Variants in CCDC30 observed in about 807,000 individuals in gnomAD.
The protein encoded by CCDC30 is coiled-coil domain containing 30.
A neutral mutation model predicts 100.2 loss-of-function variants in CCDC30; 70 were observed. That is an observed-to-expected ratio of 0.70 (90% confidence interval 0.58 to 0.85). The LOEUF (loss-of-function observed/expected upper bound fraction) is 0.85, where lower values mean the gene tolerates loss of function less well. Among genes scored for constraint, CCDC30 ranks in the 40% least tolerant of loss-of-function variants. The pLI is 0.00. For synonymous variants in CCDC30, 233 were observed against 269.5 expected (o/e 0.86, Z 1.33); for missense variants, 652 against 771.2 (o/e 0.85, Z 1.83).
rs1646301443 is a variant in CCDC30, at chr1:42,596,970, T to G, written c.1164+7487T>G. Among the ~76,000 whole-genome samples, 1 of 151,970 alleles carries G rather than the reference T, an allele frequency of 6.6e-6. No homozygotes were observed. Among genetic ancestry groups the G allele is most frequent in the East Asian group, 1.9e-4 (1 of 5,164 alleles). On this transcript the variant is annotated intron_variant, in intron 10 of 16. Transcript: ENST00000668663. The surrounding 1 kb of genome is among the most constrained non-coding windows in gnomAD (Gnocchi z 4.3). ...ACCACATAGAAATTCCGTTACAGTGTTTTTGATTTTTAAGTAAAGATCAAA... is the reference window on the plus strand; with the variant it reads ...ACCACATAGAAATTCCGTTACAGTGGTTTTGATTTTTAAGTAAAGATCAAA...
intron 6 of CCDC30, among the ~76,000 whole-genome samples, chr1:42,547,482 G>A (rs1456300376): frequency 6.6e-6 from 1 of 152,176 alleles, no homozygotes; most frequent in Non-Finnish European, 1.5e-5. Flanking sequence ...GTCCACCCAG[G>A]TGATTTTGGG....
intron 9 of CCDC30, among the ~76,000 whole-genome samples, chr1:42,583,081 T>G (rs570805690): frequency 6.6e-6 from 1 of 152,340 alleles, no homozygotes; most frequent in South Asian, 2.1e-4. Context: ...TTTTTTTTCT[T>G]TGTAAATTGG....
chr1:42,505,891 A>G (rs1441507148), intron 6 of CCDC30, among the ~76,000 whole-genome samples: 1 of 152,266 alleles, frequency 6.6e-6, no homozygotes, highest in Non-Finnish European at 1.5e-5. Flanking sequence ...CTTCAAGTCA[A>G]GCTTGATTCC....
At chr1:42,604,688 C>T (rs1646469932) in intron 10 of CCDC30, among the ~76,000 whole-genome samples, 1 of 152,108 alleles carries the variant, frequency 6.6e-6, no homozygotes. Flanking sequence ...TATATAATTC[C>T]CTTTCTCCAA....
chr1:42,656,071 C>G (rs1648649056), downstream of CCDC30, among the ~76,000 whole-genome samples: 1 of 151,828 alleles, frequency 6.6e-6, no homozygotes, highest in South Asian at 2.1e-4. Flanking sequence ...CACTCTCACT[C>G]TATTGTTCAA....
intron 6 of CCDC30, among the ~76,000 whole-genome samples, chr1:42,502,756 A>G (rs2148481658): frequency 6.6e-6 from 1 of 152,258 alleles, no homozygotes; most frequent in South Asian, 2.1e-4. Flanking sequence ...GAATTTGGCT[A>G]TCTTGTACAT....
chr1:42,636,147 G>C (rs1054036377), intron 11 of CCDC30, among the ~76,000 whole-genome samples: 3 of 151,704 alleles, frequency 2.0e-5, no homozygotes, highest in East Asian at 1.9e-4. Flanking sequence ...CAGATTCACT[G>C]GGTGGCTTAT....
intron 9 of CCDC30, among the ~76,000 whole-genome samples, chr1:42,582,608 C>G (rs1570143692): frequency 1.3e-5 from 2 of 152,274 alleles, no homozygotes; most frequent in Non-Finnish European, 2.9e-5. Flanking sequence ...GGCTACCTTT[C>G]TCAAAACACT....
At chr1:42,619,435 A>G (rs186203583) in intron 11 of CCDC30, among the ~76,000 whole-genome samples, 21 of 152,358 alleles carry the variant, frequency 1.4e-4, no homozygotes, top group South Asian at 4.1e-4. Flanking sequence ...AATAGGAGAA[A>G]TAGTATGCAA....
intron 6 of CCDC30, among the ~76,000 whole-genome samples, chr1:42,553,412 A>C (rs1006273837): frequency 4.6e-5 from 7 of 151,970 alleles, no homozygotes; most frequent in African/African-American, 1.7e-4. Context: ...CAGAGTTTTT[A>C]GTTGTACTTA....
intron 12 of CCDC30, among the ~76,000 whole-genome samples, chr1:42,642,086 C>T (rs948830144): frequency 5.9e-5 from 9 of 151,670 alleles, no homozygotes; most frequent in Non-Finnish European, 1.0e-4. Flanking sequence ...CTTAGCCGGG[C>T]GTAGTGGTGG....
At chr1:42,656,998 C>T (rs1176208242), downstream of CCDC30, among the ~76,000 whole-genome samples, 1 of 152,156 alleles carries the variant, frequency 6.6e-6, no homozygotes, top group East Asian at 1.9e-4. Flanking sequence ...CCCCCTCCTC[C>T]CCTTTCTTCT....
Position 42,642,968 on chromosome 1 carries a change from C to T in CCDC30, c.1556+359C>T, listed in dbSNP as rs139752483. Among the ~76,000 whole-genome samples the T allele has an allele frequency of 3.1e-4, 47 of 152,226 alleles. 1 individual carries two copies. Among genetic ancestry groups the T allele is most frequent in the African/African-American group, 1.0e-3 (43 of 41,538 alleles). ...GAGAGAATTAGGCTCACAGAAGTAA[C>T]TTAAATTCATGAAATCCACAGGATA... On this transcript the variant is annotated intron_variant, in intron 13 of 16. Coordinates refer to ENST00000668663, the Ensembl canonical transcript of CCDC30.
At chr1:42,479,437 G>C (rs150166889) in intron 1 of CCDC30, among the ~76,000 whole-genome samples, 2 of 151,978 alleles carry the variant, frequency 1.3e-5, no homozygotes, top group Non-Finnish European at 2.9e-5. Flanking sequence ...ACTCTCAATA[G>C]AGAGTCCAGA....
rs79068942 is a variant in CCDC30, at chr1:42,620,912, G to A, written c.1277+9822G>A. Among the ~76,000 whole-genome samples the A allele has an allele frequency of 7.4e-3, 1,121 of 152,258 alleles. 20 individuals are homozygous for A. Among genetic ancestry groups the A allele is most frequent in the African/African-American group, 0.026 (1,077 of 41,550 alleles). On this transcript the variant is annotated intron_variant, in intron 11 of 16. Transcript: ENST00000668663. ...CCTCTCTGGGTGCACCACCCTCCAG[G>A]AACCTGTGTTCAGCTATTTAGAAGT...
chr1:42,555,942 G>A (rs903609636), intron 6 of CCDC30, among the ~76,000 whole-genome samples: 9 of 152,080 alleles, frequency 5.9e-5, no homozygotes, highest in Non-Finnish European at 1.0e-4. Flanking sequence ...CGCCCATCTC[G>A]GCCTTCCAAA....
chr1:42,618,557 C>A (rs1384940296), intron 11 of CCDC30, among the ~76,000 whole-genome samples: 4 of 152,088 alleles, frequency 2.6e-5, no homozygotes, highest in Non-Finnish European at 5.9e-5. Context: ...ATATCTTTTA[C>A]CAAACGTTCC....
chr1:42,548,142 G>A (rs1645181160), intron 6 of CCDC30, among the ~76,000 whole-genome samples: 1 of 152,204 alleles, frequency 6.6e-6, no homozygotes, highest in African/African-American at 2.4e-5. Context: ...ACAGGATGAT[G>A]AGAATGAAGA....
At position 42,558,691 on chromosome 1, in the gene CCDC30, G is replaced by A. The variant is rs574511649; in HGVS notation, c.457-7605G>A. ...ATTGATTGGAGTACCAGAAGGAGAC[G>A]GGGAGACTGGAAATAAGCTGGAAAA... On this transcript the variant is annotated intron_variant, in intron 6 of 16. Coordinates refer to ENST00000668663, the Ensembl canonical transcript of CCDC30. Among the ~76,000 whole-genome samples, 89 of 152,200 alleles carry A rather than the reference G, an allele frequency of 5.8e-4. No homozygotes were observed. The South Asian group carries it at 1.0e-2, about 17-fold the overall frequency.
Sources: allele counts gnomAD v4.1 joint callset (sites outside exome capture counted in the v4.1 genomes callset), GRCh38; gene constraint gnomAD v4.1.1; non-coding constraint Gnocchi (gnomAD v3.1); transcripts MANE v1.5; gene names NCBI Gene and HGNC (gene_info 2026-07-23, HGNC 2026-07-21).